The following SRPK2 variants were observed in gnomAD, a reference collection of about 807,000 sequenced individuals.
SRPK2 encodes SRSF protein kinase 2, also known as SFRS protein kinase 2.
A neutral mutation model predicts 90.8 loss-of-function variants in SRPK2; 21 were observed. The ratio of observed to expected loss-of-function variants is 0.23; its 90% CI spans 0.16 to 0.33. The LOEUF (loss-of-function observed/expected upper bound fraction) is 0.33. Among genes scored for constraint, SRPK2 ranks in the 10% least tolerant of loss-of-function variants. SRPK2 has a pLI of 1.00. For synonymous variants in SRPK2, 288 were observed against 311.1 expected, an observed-to-expected ratio of 0.93 and a Z score of 0.78; for missense variants, 620 against 869.0, an observed-to-expected ratio of 0.71 and a Z score of 3.60.
intron 2 of SRPK2, among the ~76,000 whole-genome samples, chr7:105,322,327 G>C (rs141272736): frequency 9.8e-5 from 15 of 152,290 alleles, no homozygotes; most frequent in Non-Finnish European, 2.1e-4. Flanking sequence ...TGAAGCAGGA[G>C]AATCGTTTGA....
At chr7:105,295,358 G>A (rs903147281) in intron 2 of SRPK2, among the ~76,000 whole-genome samples, 3 of 151,306 alleles carry the variant, frequency 2.0e-5, no homozygotes, top group African/African-American at 7.3e-5. Context: ...ATATTTTTAT[G>A]TAAATTAATA....
intron 3 of SRPK2, among the ~76,000 whole-genome samples, chr7:105,177,866 C>CA (rs546148664): frequency 1.8e-3 from 271 of 150,662 alleles, no homozygotes; most frequent in African/African-American, 2.5e-3. Context: ...ACTAAAAATA[C>CA]AAAAAAAAAT....
rs1286048645 is a variant in SRPK2 at position 105,306,367 on chromosome 7, A to G, written c.71+82281T>C. The G allele has an allele frequency of 1.3e-5, 5 of 371,672 alleles. No homozygotes were observed. In the East Asian group the frequency reaches 2.9e-4, roughly 22 times the overall value. The allele number at this position is 371,672 out of a possible 1,614,324, so 23.0% of individuals were successfully genotyped here. A position where few individuals can be genotyped will look rare whatever the true frequency, so the allele number is the denominator to read the frequency against. On this transcript the variant is annotated intron_variant, in intron 2 of 15. Coordinates refer to ENST00000393651, the MANE Select transcript of SRPK2 (RefSeq NM_182692.3). ...TTTCAGAATATTAACAAAAGTCATA[A>G]TAACTGTGAATTATTTTTGCAAAGT...
intron 2 of SRPK2, among the ~76,000 whole-genome samples, chr7:105,371,146 G>A (rs946530919): frequency 3.9e-5 from 6 of 152,076 alleles, no homozygotes; most frequent in African/African-American, 1.2e-4. Flanking sequence ...GCTCACGTCT[G>A]TAATCCCAGC....
chr7:105,141,975 G>T (rs150743752), intron 11 of SRPK2, 33 bp downstream of exon 11: 2 of 1,577,334 alleles, frequency 1.3e-6, no homozygotes, highest in Admixed American at 1.8e-5. Flanking sequence ...TGGAGTCAGC[G>T]ATGGCAGACA....
intron 2 of SRPK2, among the ~76,000 whole-genome samples, chr7:105,239,334 T>G (rs1304761966): frequency 6.6e-6 from 1 of 152,244 alleles, no homozygotes; most frequent in Non-Finnish European, 1.5e-5. Flanking sequence ...GCACAAAGTA[T>G]AGATAGCATT....
intron 3 of SRPK2, among the ~76,000 whole-genome samples, chr7:105,170,997 G>A (rs888448002): frequency 1.0e-4 from 12 of 114,416 alleles, no homozygotes; most frequent in African/African-American, 3.8e-4. Context: ...GAAAGAAAGA[G>A]AAAGAAAGAA....
chr7:105,399,116 A>G (rs781140818), intron 1 of SRPK2: 4 of 152,224 alleles, frequency 2.6e-5, no homozygotes, highest in Non-Finnish European at 4.4e-5. Flanking sequence ...AATTTCTCCC[A>G]AATTTAGTAG....
intron 2 of SRPK2, among the ~76,000 whole-genome samples, chr7:105,250,841 A>C (rs1651818024): frequency 6.6e-6 from 1 of 152,122 alleles, no homozygotes. Flanking sequence ...TACTATGATA[A>C]TCAGCTCCAT....
At chr7:105,364,607 T>C (rs1425524114) in intron 2 of SRPK2, among the ~76,000 whole-genome samples, 1 of 152,064 alleles carries the variant, frequency 6.6e-6, no homozygotes, top group African/African-American at 2.4e-5. Flanking sequence ...TTTCACTATG[T>C]TGGCCAGGCT....
upstream of SRPK2, among the ~76,000 whole-genome samples, chr7:105,389,952 C>G (rs1377482167): frequency 2.0e-5 from 3 of 152,092 alleles, no homozygotes; most frequent in Non-Finnish European, 2.9e-5. Flanking sequence ...TTTGAAGAGT[C>G]CTTAACTTTT....
chr7:105,177,838 C>A (rs182845555), intron 3 of SRPK2, among the ~76,000 whole-genome samples: 1 of 151,930 alleles, frequency 6.6e-6, no homozygotes, highest in South Asian at 2.1e-4. Context: ...CTGGCTAACA[C>A]GGTGAAACCT....
At chr7:105,155,028 T>C (rs1364802347) in intron 7 of SRPK2, among the ~76,000 whole-genome samples, 1 of 150,902 alleles carries the variant, frequency 6.6e-6, no homozygotes, top group Non-Finnish European at 1.5e-5. Flanking sequence ...TCACCCAGGC[T>C]GGAGTGCAAT....
At chr7:105,335,651 T>TAAA (rs60278367) in intron 2 of SRPK2, among the ~76,000 whole-genome samples, 4 of 114,936 alleles carry the variant, frequency 3.5e-5, no homozygotes, top group Non-Finnish European at 3.7e-5. Context: ...GACCATCTTT[T>TAAA]AAAAAAAAAA....
chr7:105,322,372 G>A (rs957211274), intron 2 of SRPK2, among the ~76,000 whole-genome samples: 5 of 151,516 alleles, frequency 3.3e-5, no homozygotes, highest in African/African-American at 1.2e-4. Context: ...CACCGAGATC[G>A]TGACACGGCA....
intron 2 of SRPK2, among the ~76,000 whole-genome samples, chr7:105,338,905 T>C (rs1202611041): frequency 6.6e-6 from 1 of 152,136 alleles, no homozygotes; most frequent in African/African-American, 2.4e-5. Flanking sequence ...TCTAACCTGT[T>C]TGGGGTGTTT....
rs1308555125 is a variant in SRPK2 at position 105,170,900 on chromosome 7, AAAGAAAGAAAGAAAGG to A, written c.230-1651_230-1636del. Among the ~76,000 whole-genome samples, 35 of 110,448 alleles carry A rather than the reference AAAGAAAGAAAGAAAGG, an allele frequency of 3.2e-4. 6 individuals carry two copies. Among genetic ancestry groups the A allele is most frequent in the African/African-American group, 1.1e-3 (33 of 29,014 alleles). The allele number at this position is 110,448 out of a possible 152,430, so 72.5% of individuals were successfully genotyped here. ...GAAAGAAAGAAAGAAAGAAAGAAAG[AAAGAAAGAAAGAAAGG>A]AGAAAGAAAAAGAAAAAGGAAAGAA... On this transcript the variant is annotated intron_variant, in intron 3 of 15. Coordinates refer to ENST00000393651, the MANE Select transcript of SRPK2 (RefSeq NM_182692.3).
chr7:105,396,211 G>A (rs1042100852), intron 1 of SRPK2, among the ~76,000 whole-genome samples: 5 of 151,598 alleles, frequency 3.3e-5, no homozygotes, highest in Admixed American at 6.6e-5. Context: ...CACCACGCCC[G>A]GCTAGTAGCT....
At chr7:105,192,546 C>T (rs1017328378) in intron 3 of SRPK2, among the ~76,000 whole-genome samples, 1 of 152,170 alleles carries the variant, frequency 6.6e-6, no homozygotes, top group Non-Finnish European at 1.5e-5. Context: ...GACTTATTTT[C>T]CTCTAGGTAG....
Sources: gnomAD v4.1 joint callset for allele counts (sites outside exome capture counted in the v4.1 genomes callset) on GRCh38, gnomAD v4.1.1 for gene constraint, MANE v1.5 for transcripts, NCBI Gene and HGNC (gene_info 2026-07-23, HGNC 2026-07-21) for gene names.